The following SLCO1C1 variants were observed in gnomAD, a reference collection of about 807,000 sequenced individuals.
SLCO1C1 encodes OAT-RP-5.
SLCO1C1 carries 70 observed loss-of-function variants against 76.4 expected under a neutral mutation model. The ratio of observed to expected loss-of-function variants is 0.92; its 90% CI spans 0.76 to 1.12. The LOEUF (loss-of-function observed/expected upper bound fraction) is 1.12, where lower values mean the gene tolerates loss of function less well. SLCO1C1 is among the 50% of genes most tolerant of loss of function. SLCO1C1 has a pLI of 0.00. For missense variants in SLCO1C1, 912 were observed against 823.8 expected (o/e 1.11, Z -1.31); for synonymous variants, 306 against 286.1 (o/e 1.07, Z -0.70).
intron 7 of SLCO1C1, among the ~76,000 whole-genome samples, chr12:20,720,006 T>A (rs1947578681): frequency 6.6e-6 from 1 of 152,182 alleles, no homozygotes; most frequent in African/African-American, 2.4e-5. Context: ...GTGACTCTCT[T>A]GTTAGGGGCT....
chr12:20,699,461 G>A lies in SLCO1C1; in HGVS notation c.-25-91G>A, dbSNP rs769034273. ...AAAAGGTAGATTCACTTTAAATTGCGTCTATAGAATTGTGGTATACTGTTG... is the reference window on the plus strand; with the variant it reads ...AAAAGGTAGATTCACTTTAAATTGCATCTATAGAATTGTGGTATACTGTTG... On this transcript the variant is annotated intron_variant, in intron 1 of 14. Transcript: ENST00000266509. The A allele has an allele frequency of 5.0e-5, 52 of 1,035,538 alleles. No individual in the cohort carries two copies. In the African/African-American group the frequency reaches 5.2e-4, roughly 10 times the overall value. 64.1% of individuals were successfully genotyped at this position (1,035,538 alleles called of 1,614,324 possible). A position where few individuals can be genotyped will look rare whatever the true frequency, so the allele number is the denominator to read the frequency against.
intron 10 of SLCO1C1, among the ~76,000 whole-genome samples, chr12:20,734,573 C>G (rs888448886): frequency 1.3e-5 from 2 of 152,064 alleles, no homozygotes; most frequent in South Asian, 4.1e-4. Flanking sequence ...TTTTGTTATC[C>G]TTGTTTAAAA....
At chr12:20,750,652 G>C in intron 13 of SLCO1C1, 23 bp from the exon 14 acceptor site, 1 of 1,597,058 alleles carries the variant, frequency 6.3e-7, no homozygotes, top group Non-Finnish European at 8.6e-7. Flanking sequence ...GTTTTTAACA[G>C]CAATTATTTG....
At chr12:20,729,700 C>G (rs1038289092) in intron 9 of SLCO1C1, among the ~76,000 whole-genome samples, 1 of 151,420 alleles carries the variant, frequency 6.6e-6, no homozygotes, top group East Asian at 2.0e-4. Context: ...CAAACCTAAT[C>G]TTGGAACCAG....
chr12:20,732,041 G>A (rs1017244853), intron 9 of SLCO1C1, among the ~76,000 whole-genome samples: 1 of 152,178 alleles, frequency 6.6e-6, no homozygotes, highest in Non-Finnish European at 1.5e-5. Flanking sequence ...CTAAACCCAG[G>A]CAAGCTGGGT....
intron 12 of SLCO1C1, 96 bp downstream of exon 12, chr12:20,740,464 T>C (rs1948752191): frequency 8.8e-7 from 1 of 1,138,036 alleles, no homozygotes; most frequent in South Asian, 1.5e-5. Context: ...TGATTCCTCT[T>C]AGTTTTTTCA....
chr12:20,742,072 T>A (rs959228088), intron 12 of SLCO1C1, among the ~76,000 whole-genome samples: 1 of 152,224 alleles, frequency 6.6e-6, no homozygotes, highest in Non-Finnish European at 1.5e-5. Context: ...CAAAACAGCT[T>A]TCACCAAATA....
chr12:20,715,355 A>T (rs1174221661), intron 6 of SLCO1C1, 70 bp downstream of exon 6: 2 of 1,541,170 alleles, frequency 1.3e-6, no homozygotes, highest in Non-Finnish European at 1.8e-6. Flanking sequence ...ATTCCCCTCT[A>T]TGCTAAATTA....
At chr12:20,736,231 G>C (rs781399436) in intron 10 of SLCO1C1, among the ~76,000 whole-genome samples, 7 of 147,992 alleles carry the variant, frequency 4.7e-5, no homozygotes, top group Non-Finnish European at 8.9e-5. Context: ...TACTGGGAGA[G>C]ATGAAGGATA....
At chr12:20,722,154 A>T (rs1947708393) in intron 8 of SLCO1C1, 105 bp downstream of exon 8, 1 of 1,408,288 alleles carries the variant, frequency 7.1e-7, no homozygotes, top group South Asian at 1.5e-5. Flanking sequence ...AAAAGTTGAG[A>T]AACCATATCA....
intron 9 of SLCO1C1, among the ~76,000 whole-genome samples, chr12:20,727,511 T>C (rs1488197174): frequency 6.6e-6 from 1 of 152,154 alleles, no homozygotes; most frequent in East Asian, 1.9e-4. Flanking sequence ...TGCTTTGTTT[T>C]GTTTTGCTTT....
intron 9 of SLCO1C1, among the ~76,000 whole-genome samples, chr12:20,728,164 T>G (rs2120799351): frequency 6.6e-6 from 1 of 152,314 alleles, no homozygotes; most frequent in East Asian, 1.9e-4. Flanking sequence ...CCATAAGTCT[T>G]TAATCCATGT....
chr12:20,743,314 G>A lies in SLCO1C1; in HGVS notation c.1743G>A (p.Lys581=). The change falls in exon 13 of 15, where the codon AAG becomes AAA. Residue 581 remains lysine (K), a synonymous_variant. Coordinates refer to ENST00000266509, the MANE Select transcript of SLCO1C1 (RefSeq NM_017435.5). ...CTTTTGTTGATTTTAGGTGCATTAA[G>A]CCACAGCTTAAGTCTTTTGCCTTGG... ...PGYILLLRCI[K]PQLKSFALGI... 1 of 1,612,628 alleles carries A rather than the reference G, an allele frequency of 6.2e-7. No individual in the cohort carries two copies. Among genetic ancestry groups the A allele is most frequent in the Non-Finnish European group, 8.5e-7 (1 of 1,179,202 alleles).
intron 11 of SLCO1C1, among the ~76,000 whole-genome samples, 170 bp from the exon 12 acceptor site, chr12:20,740,014 G>GT (rs1948725650): frequency 6.6e-6 from 1 of 152,088 alleles, no homozygotes; most frequent in Non-Finnish European, 1.5e-5. Context: ...ATGAAATGTT[G>GT]TATCTATATA....
intron 13 of SLCO1C1, among the ~76,000 whole-genome samples, chr12:20,750,236 G>A (rs1375909167): frequency 1.3e-5 from 2 of 152,148 alleles, no homozygotes; most frequent in African/African-American, 2.4e-5. Flanking sequence ...AGAAGGAGTG[G>A]CAGTGGGAAT....
chr12:20,743,396 T>C (rs1592328398), intron 13 of SLCO1C1, 27 bp downstream of exon 13: 1 of 1,539,236 alleles, frequency 6.5e-7, no homozygotes, highest in South Asian at 1.1e-5. Flanking sequence ...CTTTAATTTA[T>C]GGTAGACACC....
intron 3 of SLCO1C1, among the ~76,000 whole-genome samples, chr12:20,705,163 T>C (rs951868341): frequency 1.3e-5 from 2 of 151,982 alleles, no homozygotes; most frequent in African/African-American, 4.8e-5. Flanking sequence ...ATCACCATCA[T>C]CAACTAAAAG....
chr12:20,719,272 G>C (rs1286736034), intron 7 of SLCO1C1, among the ~76,000 whole-genome samples: 2 of 152,020 alleles, frequency 1.3e-5, no homozygotes, highest in Non-Finnish European at 1.5e-5. Context: ...TCCACTGACT[G>C]GCCATTCCCC....
chr12:20,736,324 A>G (rs1054845172), intron 10 of SLCO1C1, among the ~76,000 whole-genome samples: 15 of 103,212 alleles, frequency 1.5e-4, no homozygotes, highest in Non-Finnish European at 2.6e-5. Flanking sequence ...AATAACTCAA[A>G]AAAACCAATT....
Sources: allele counts gnomAD v4.1 joint callset (sites outside exome capture counted in the v4.1 genomes callset), GRCh38; gene constraint gnomAD v4.1.1; transcripts MANE v1.5; gene names NCBI Gene and HGNC (gene_info 2026-07-23, HGNC 2026-07-21).